CFLAR: variants seen among roughly 807,000 people sequenced by gnomAD.
CFLAR encodes the protein CASP8 and FADD-like apoptosis regulator.
In CFLAR, 14 loss-of-function variants were observed where a neutral mutation model predicts 51.1. The ratio of observed to expected loss-of-function variants is 0.27; its 90% CI spans 0.18 to 0.43. The LOEUF is 0.43. Among genes scored for constraint, CFLAR ranks in the 20% least tolerant of loss-of-function variants. The pLI is 1.00. For synonymous variants in CFLAR, 210 were observed against 211.6 expected (o/e 0.99, Z 0.06); for missense variants, 390 against 566.5 (o/e 0.69, Z 3.16).
At chr2:201,152,107 C>T (rs1941376267) in intron 8 of CFLAR, among the ~76,000 whole-genome samples, 1 of 152,068 alleles carries the variant, frequency 6.6e-6, no homozygotes, top group African/African-American at 2.4e-5. Flanking sequence ...CTGCCTCAGC[C>T]TCCCGAGTAC....
In CFLAR at chr2:201,160,498, A is replaced by G. The variant is rs372141875; in HGVS notation, c.860A>G (p.His287Arg). ...CAGAAATTCTTGCATCTCAGTATGCATGGTATATCCCAGATTCTTGGCCAA... is the reference window on the plus strand; with the variant it reads ...CAGAAATTCTTGCATCTCAGTATGCGTGGTATATCCCAGATTCTTGGCCAA... ...EVQKFLHLSM[H>R]GISQILGQFA... The change falls in exon 9 of 10, where the codon CAT becomes CGT. Residue 287 changes from histidine to arginine, a missense_variant. His to Arg is a conservative substitution (Grantham distance 29). This residue lies in a region of CFLAR where 287 missense variants were observed against 363.6 expected (regional missense o/e 0.79). Coordinates refer to ENST00000309955, the MANE Select transcript of CFLAR (RefSeq NM_003879.7). 4.3e-6 allele frequency: 7 copies of G among 1,613,772 alleles called. No homozygotes were observed. Among genetic ancestry groups the G allele is most frequent in the Non-Finnish European group, 5.9e-6 (7 of 1,179,976 alleles).
At position 201,130,510 on chromosome 2, in the gene CFLAR, C is replaced by T. The variant is rs192561636; in HGVS notation, c.281+364C>T. Reference sequence around the variant, plus strand: ...CCAAGTACTTGGGACTACAGGCGTGCGCCACCATGCCTGGCTAATTTTTTT... The same window carrying T: ...CCAAGTACTTGGGACTACAGGCGTGTGCCACCATGCCTGGCTAATTTTTTT... On this transcript the variant is annotated intron_variant, in intron 2 of 9. Transcript: ENST00000309955. 1.3e-3 allele frequency among the ~76,000 whole-genome samples: 199 copies of T among 151,814 alleles called. 1 individual carries two copies. The highest frequency in any genetic ancestry group is 4.5e-3 in the African/African-American group (188 of 41,420).
intron 8 of CFLAR, among the ~76,000 whole-genome samples, chr2:201,156,342 G>A (rs1282144295): frequency 2.6e-5 from 4 of 152,140 alleles, no homozygotes; most frequent in Admixed American, 1.3e-4. Flanking sequence ...TCCCAAACAC[G>A]TTTGACCTCA....
At chr2:201,136,531 A>G (rs2050152327) in intron 4 of CFLAR, 1 of 1,519,472 alleles carries the variant, frequency 6.6e-7, no homozygotes, top group Non-Finnish European at 8.8e-7. Context: ...AAGTTTCACA[A>G]AACCTCCTTA....
chr2:201,155,223 T>A (rs1289755348), intron 8 of CFLAR, among the ~76,000 whole-genome samples: 2 of 152,112 alleles, frequency 1.3e-5, no homozygotes, highest in East Asian at 3.8e-4. Flanking sequence ...TTTAAGGCCC[T>A]TGAATAAAAA....
chr2:201,162,741 A>G lies in CFLAR; in HGVS notation c.1305-1094A>G, dbSNP rs1348399236. On this transcript the variant is annotated intron_variant, in intron 9 of 9. Coordinates refer to ENST00000309955, the MANE Select transcript of CFLAR (RefSeq NM_003879.7). ...CACCCCTCTATCCCATGTATCACCC[A>G]AAAGACACTCACAGCCTGCCATCAC... 4 of 368,118 alleles carry G rather than the reference A, an allele frequency of 1.1e-5. 1 individual carries two copies. Among genetic ancestry groups the G allele is most frequent in the South Asian group, 4.9e-5 (2 of 40,752 alleles). 22.8% of individuals were successfully genotyped at this position (368,118 alleles called of 1,614,324 possible). A position where few individuals can be genotyped will look rare whatever the true frequency, so the allele number is the denominator to read the frequency against.
intron 6 of CFLAR, among the ~76,000 whole-genome samples, chr2:201,146,995 C>G (rs891950567): frequency 6.6e-6 from 1 of 152,170 alleles, no homozygotes; most frequent in South Asian, 2.1e-4. Context: ...TCTTAAAACA[C>G]TGGTGAGGTG....
At chr2:201,137,358 G>A (rs1283067668) in intron 4 of CFLAR, 3 of 349,254 alleles carry the variant, frequency 8.6e-6, no homozygotes, top group Non-Finnish European at 1.7e-5. Flanking sequence ...AGCAAGGGGG[G>A]CTGCAGACCC....
rs182731523 is a variant in CFLAR, at chr2:201,140,114, G to A, written c.524-243G>A. On this transcript the variant is annotated intron_variant, in intron 4 of 9. Coordinates refer to ENST00000309955, the MANE Select transcript of CFLAR (RefSeq NM_003879.7). ...CGCTGCCACGCTGCAGCCAGGCGCC[G>A]GGTGGGCTGGGTGGGCTGGGGGCGG... 13 of 243,546 alleles carry A rather than the reference G, an allele frequency of 5.3e-5. No individual in the cohort carries two copies. In the East Asian group the frequency reaches 7.3e-4, roughly 14 times the overall value. The allele number at this position is 243,546 out of a possible 1,614,324, so 15.1% of individuals were successfully genotyped here. A position where few individuals can be genotyped will look rare whatever the true frequency, so the allele number is the denominator to read the frequency against.
In CFLAR at chr2:201,160,618, C is replaced by A. The variant is rs758296065; in HGVS notation, c.980C>A (p.Thr327Asn). The part of the protein sequence containing the change: ...GSQSVYGVDQ[T>N]HSGLPLHHIR... ...CAGAGTGTGTATGGTGTGGATCAGA[C>A]TCACTCAGGGCTCCCCCTGCATCAC... The change falls in exon 9 of 10, where the codon ACT (threonine) becomes AAT (asparagine). Residue 327 changes from threonine to asparagine, a missense_variant. Around this residue, in one of 2 missense-constraint regions of CFLAR, gnomAD observed 287 missense variants for 363.6 expected, o/e 0.79. Transcript: ENST00000309955. The A allele has an allele frequency of 5.6e-6, 9 of 1,613,556 alleles. No homozygotes were observed. The South Asian group carries it at 8.8e-5, about 16-fold the overall frequency.
chr2:201,157,116 C>G (rs1389122447), intron 8 of CFLAR, among the ~76,000 whole-genome samples: 2 of 152,140 alleles, frequency 1.3e-5, no homozygotes, highest in Non-Finnish European at 2.9e-5. Flanking sequence ...ACACAGTTTG[C>G]AAAGCATCTT....
chr2:201,156,222 C>T (rs1012830600), intron 8 of CFLAR, among the ~76,000 whole-genome samples: 6 of 152,164 alleles, frequency 3.9e-5, no homozygotes, highest in Admixed American at 6.5e-5. Flanking sequence ...ATTTGAGAAG[C>T]GCTGCCTAAT....
At chr2:201,153,150 C>A (rs560085395) in intron 8 of CFLAR, 3 of 152,184 alleles carry the variant, frequency 2.0e-5, no homozygotes, top group Admixed American at 6.5e-5. Flanking sequence ...TTGACTCAAG[C>A]CTTCTCTGCC....
chr2:201,163,737 CA>C, intron 9 of CFLAR, 97 bp from the exon 10 acceptor site: 1 of 1,517,786 alleles, frequency 6.6e-7, no homozygotes, highest in East Asian at 2.3e-5. Flanking sequence ...GGAACAGTTT[CA>C]AAGAACTTTC....
intron 6 of CFLAR, chr2:201,145,763 C>T: frequency 4.9e-6 from 1 of 205,762 alleles, no homozygotes; most frequent in Non-Finnish European, 9.8e-6. Context: ...CATGTTAAAC[C>T]AAATATCTAG....
intron 8 of CFLAR, among the ~76,000 whole-genome samples, chr2:201,160,140 C>A (rs1009408052): frequency 6.6e-6 from 1 of 152,086 alleles, no homozygotes; most frequent in Admixed American, 6.6e-5. Context: ...AAGGTTTTGT[C>A]CCCCCTTGGT....
intron 6 of CFLAR, among the ~76,000 whole-genome samples, chr2:201,147,345 A>C (rs13387186): frequency 6.6e-6 from 1 of 151,696 alleles, no homozygotes; most frequent in African/African-American, 2.4e-5. Flanking sequence ...CCTGGGCAAC[A>C]TGGTGAAACC....
intron 1 of CFLAR, among the ~76,000 whole-genome samples, chr2:201,123,749 T>G (rs2048414784): frequency 6.6e-6 from 1 of 152,218 alleles, no homozygotes; most frequent in South Asian, 2.1e-4. Context: ...TCTGTTGTTC[T>G]GCACGCCAAT....
chr2:201,148,043 G>A (rs573842731), intron 6 of CFLAR, among the ~76,000 whole-genome samples: 153 of 151,944 alleles, frequency 1.0e-3, no homozygotes, highest in African/African-American at 3.4e-3. Flanking sequence ...ATTATTTTGT[G>A]GCTTTTCTTT....
Sources: gnomAD v4.1 joint callset for allele counts (sites outside exome capture counted in the v4.1 genomes callset) on GRCh38, gnomAD v4.1.1 for gene constraint, gnomAD v4.1.1 regional missense constraint, MANE v1.5 for transcripts, NCBI Gene and HGNC (gene_info 2026-07-23, HGNC 2026-07-21) for gene names.